CCDC7: variants seen among roughly 807,000 people sequenced by gnomAD.
CCDC7 encodes the protein coiled-coil domain-containing protein 7.
In CCDC7, 183 loss-of-function variants were observed where a neutral mutation model predicts 196.9. The observed-to-expected ratio is 0.93, with a 90% CI of 0.82 to 1.05. The LOEUF (loss-of-function observed/expected upper bound fraction) is 1.05. Among genes scored for constraint, CCDC7 ranks in the 50% least tolerant of loss-of-function variants. CCDC7 has a pLI of 0.00. For missense variants in CCDC7, 1,540 were observed against 1,482.2 expected, an observed-to-expected ratio of 1.04 and a Z score of -0.64; for synonymous variants, 525 against 484.6, an observed-to-expected ratio of 1.08 and a Z score of -1.10.
chr10:32,463,173 C>T (rs1385787457), intron 5 of CCDC7, 124 bp downstream of exon 6: 2 of 1,276,144 alleles, frequency 1.6e-6, no homozygotes, highest in African/African-American at 3.0e-5. Context: ...ATAAAGTAAC[C>T]TTTTGGTTTG....
intron 9 of CCDC7, chr10:32,511,268 G>GGA: frequency 1.9e-6 from 1 of 529,778 alleles, no homozygotes; most frequent in Non-Finnish European, 3.2e-6. Context: ...GGGCGGGGGG[G>GGA]GCGGGGAAAT....
At chr10:32,801,244 G>T (rs890209530) in intron 29 of CCDC7, among the ~76,000 whole-genome samples, 1 of 152,188 alleles carries the variant, frequency 6.6e-6, no homozygotes, top group African/African-American at 2.4e-5. Flanking sequence ...GCTGGGATGA[G>T]TAGGTCTAAA....
chr10:32,533,445 A>G (rs573438881), intron 11 of CCDC7, among the ~76,000 whole-genome samples: 89 of 152,234 alleles, frequency 5.8e-4, no homozygotes, highest in African/African-American at 1.9e-3. Context: ...CAGTTGCAAT[A>G]TAGAGTATTT....
intron 8 of CCDC7, among the ~76,000 whole-genome samples, chr10:32,491,388 C>A (rs1018776791): frequency 1.3e-5 from 2 of 152,064 alleles, no homozygotes; most frequent in African/African-American, 4.8e-5. Context: ...TATTATGGAT[C>A]ATTATTATGT....
intron 11 of CCDC7, among the ~76,000 whole-genome samples, chr10:32,524,162 G>C (rs1292002708): frequency 7.0e-6 from 1 of 142,504 alleles, no homozygotes; most frequent in African/African-American, 2.6e-5. Flanking sequence ...CTTGTTTTTT[G>C]ATTTGAGGTT....
chr10:32,795,479 A>G (rs2134780129), intron 29 of CCDC7, among the ~76,000 whole-genome samples: 1 of 152,258 alleles, frequency 6.6e-6, no homozygotes, highest in South Asian at 2.1e-4. Flanking sequence ...TTTATTTGTA[A>G]TCTTGTAGAC....
At chr10:32,705,380 A>G (rs754944669) in intron 24 of CCDC7, among the ~76,000 whole-genome samples, 5 of 152,134 alleles carry the variant, frequency 3.3e-5, no homozygotes, top group Non-Finnish European at 7.4e-5. Context: ...AATTGTAAAG[A>G]CCATCGATGC....
At chr10:32,536,066 C>A (rs556774906) in intron 11 of CCDC7, among the ~76,000 whole-genome samples, 40 of 152,244 alleles carry the variant, frequency 2.6e-4, no homozygotes, top group African/African-American at 8.2e-4. Flanking sequence ...AAAGTTTAGT[C>A]CTTGCTGGGA....
intron 32 of CCDC7, among the ~76,000 whole-genome samples, chr10:32,834,055 C>A (rs1465024470): frequency 6.6e-6 from 1 of 152,028 alleles, no homozygotes; most frequent in Admixed American, 6.6e-5. Flanking sequence ...TTGACCCTAG[C>A]AGTTGTTTCA....
intron 3 of CCDC7, among the ~76,000 whole-genome samples, chr10:32,460,254 A>T (rs2035345337): frequency 6.6e-6 from 1 of 152,214 alleles, no homozygotes; most frequent in Non-Finnish European, 1.5e-5. Context: ...ATGAAGGATT[A>T]TCTAGATTAT....
At chr10:32,594,737 T>G (rs58413862) in intron 18 of CCDC7, among the ~76,000 whole-genome samples, 6,943 of 152,246 alleles carry the variant, frequency 0.046, 533 homozygotes, top group African/African-American at 0.16. Context: ...AATACCTAAT[T>G]TATTGAGAGT....
At chr10:32,798,768 C>A (rs1170922248) in intron 29 of CCDC7, among the ~76,000 whole-genome samples, 1 of 152,204 alleles carries the variant, frequency 6.6e-6, no homozygotes. Flanking sequence ...GGGAAAATTT[C>A]TCTTCACTGC....
At chr10:32,565,527 A>G (rs1428333546) in intron 13 of CCDC7, 31 bp from the exon 15 acceptor site, 1 of 1,598,418 alleles carries the variant, frequency 6.3e-7, no homozygotes, top group East Asian at 2.2e-5. Flanking sequence ...TACCAAAGTA[A>G]ATACCTTTTT....
intron 13 of CCDC7, among the ~76,000 whole-genome samples, chr10:32,550,631 A>AT (rs2053320421): frequency 6.6e-6 from 1 of 151,452 alleles, no homozygotes; most frequent in Non-Finnish European, 1.5e-5. Flanking sequence ...TTGTTGAATG[A>AT]TTTTTCTGCA....
intron 12 of CCDC7, 77 bp downstream of exon 13, chr10:32,543,462 CAAAT>C (rs1192764947): frequency 5.3e-6 from 6 of 1,142,378 alleles, no homozygotes; most frequent in African/African-American, 3.3e-5. Context: ...AATTTAAAGT[CAAAT>C]AAACATAACT....
chr10:32,561,963 G>T (rs7906350), intron 13 of CCDC7, among the ~76,000 whole-genome samples: 6 of 152,006 alleles, frequency 3.9e-5, no homozygotes, highest in Admixed American at 6.6e-5. Flanking sequence ...AAATGATAAA[G>T]GGGATATCAC....
At chr10:32,794,706 C>T (rs1592820332) in intron 29 of CCDC7, among the ~76,000 whole-genome samples, 1 of 152,010 alleles carries the variant, frequency 6.6e-6, no homozygotes, top group African/African-American at 2.4e-5. Flanking sequence ...TATATATTTT[C>T]ATATATTTGT....
intron 24 of CCDC7, among the ~76,000 whole-genome samples, chr10:32,696,792 T>C (rs1345907213): frequency 6.6e-6 from 1 of 152,226 alleles, no homozygotes. Context: ...TTTATGTTGC[T>C]GTCTCTGATA....
At chr10:32,531,017 T>A (rs1564566193) in intron 11 of CCDC7, among the ~76,000 whole-genome samples, 1 of 152,232 alleles carries the variant, frequency 6.6e-6, no homozygotes. Context: ...GAAATAAACA[T>A]GGTTTTTCTT....
Sources: gnomAD v4.1 joint callset for allele counts (sites outside exome capture counted in the v4.1 genomes callset) on GRCh38, gnomAD v4.1.1 for gene constraint, MANE v1.5 for transcripts, NCBI Gene and HGNC (gene_info 2026-07-23, HGNC 2026-07-21) for gene names.